KCNIP2: variants seen among roughly 807,000 people sequenced by gnomAD.
KCNIP2 encodes A-type potassium channel modulatory protein KCNIP2.
KCNIP2 carries 19 observed loss-of-function variants against 39.0 expected under a neutral mutation model. The observed-to-expected ratio is 0.49, with a 90% CI of 0.34 to 0.71. KCNIP2 has a LOEUF of 0.71. Ranked by LOEUF, KCNIP2 falls within the 30% of genes least tolerant of loss-of-function variation. KCNIP2 has a pLI of 0.01. For missense variants in KCNIP2, 261 were observed against 346.0 expected, an observed-to-expected ratio of 0.75 and a Z score of 1.95; for synonymous variants, 111 against 131.2, an observed-to-expected ratio of 0.85 and a Z score of 1.05.
At chr10:101,827,473 G>A (rs925353773) in intron 9 of KCNIP2, 73 bp from the exon 10 acceptor site, 18 of 1,491,018 alleles carry the variant, frequency 1.2e-5, no homozygotes, top group Non-Finnish European at 1.7e-5. Flanking sequence ...CAGTGAGAGG[G>A]ACACTGAGTC....
chr10:101,831,672 T>C (rs2065997008), intron 1 of KCNIP2, among the ~76,000 whole-genome samples: 1 of 152,066 alleles, frequency 6.6e-6, no homozygotes, highest in South Asian at 2.1e-4. Context: ...AATGACCTGC[T>C]AACTCCTTAA....
intron 3 of KCNIP2, chr10:101,829,630 C>G (rs1473121883): frequency 7.7e-5 from 14 of 182,934 alleles, no homozygotes; most frequent in African/African-American, 3.6e-4. Flanking sequence ...CCTCGTCCCA[C>G]CCAGCCCCTC....
At chr10:101,837,852 C>T (rs2066211762) in intron 1 of KCNIP2, among the ~76,000 whole-genome samples, 1 of 152,154 alleles carries the variant, frequency 6.6e-6, no homozygotes, top group South Asian at 2.1e-4. Flanking sequence ...CCTTGAATGC[C>T]AAGCCAGACT....
intron 2 of KCNIP2, 54 bp downstream of exon 2, chr10:101,831,018 G>T: frequency 6.9e-7 from 1 of 1,455,536 alleles, no homozygotes; most frequent in Non-Finnish European, 9.6e-7. Flanking sequence ...CTCATGCACA[G>T]ACACGCACGC....
intron 1 of KCNIP2, among the ~76,000 whole-genome samples, chr10:101,842,553 A>G (rs1277736652): frequency 6.6e-6 from 1 of 152,222 alleles, no homozygotes; most frequent in Non-Finnish European, 1.5e-5. Flanking sequence ...ATCTCAGTAC[A>G]TGATTTGGTG....
At position 101,829,872 on chromosome 10, in the gene KCNIP2, G is replaced by A; in HGVS notation, c.195C>T (p.Arg65=). 6.6e-7 allele frequency: 1 copy of A among 1,504,866 alleles called. No homozygotes were observed. The highest frequency in any genetic ancestry group is 8.8e-7 in the Non-Finnish European group (1 of 1,131,054). The allele number at this position is 1,504,866 out of a possible 1,614,324, so 93.2% of individuals were successfully genotyped here. The change falls in exon 3 of 10, where the codon CGC becomes CGT. Residue 65 remains arginine, a synonymous_variant. Coordinates refer to ENST00000356640, the MANE Select transcript of KCNIP2 (RefSeq NM_173191.3). ...SETLAAPASL[R]PHRPRLLDPD... The stretch of plus-strand genomic sequence containing the variant: ...GGTCCAGCAGGCGGGGTCTGTGGGG[G>A]CGGAGGGAGGCTGGGGCGGCTAATG...
At chr10:101,840,361 G>C (rs1589881123) in intron 1 of KCNIP2, among the ~76,000 whole-genome samples, 1 of 151,904 alleles carries the variant, frequency 6.6e-6, no homozygotes, top group South Asian at 2.1e-4. Context: ...GGAGGAAGGA[G>C]AAAGAGGCCA....
At chr10:101,829,358 G>A (rs1231756903) in intron 3 of KCNIP2, 159 bp from the exon 4 acceptor site, 2 of 932,804 alleles carry the variant, frequency 2.1e-6, no homozygotes, top group Non-Finnish European at 3.1e-6. Context: ...ACTGAGGTAA[G>A]GAGAAAAGAT....
chr10:101,839,812 C>T, intron 1 of KCNIP2: 1 of 1,610,442 alleles, frequency 6.2e-7, no homozygotes, highest in Non-Finnish European at 8.5e-7. Context: ...CCCCAGCGGG[C>T]TCCGGCACCT....
chr10:101,830,766 C>CCACA (rs1166229988), intron 2 of KCNIP2, among the ~76,000 whole-genome samples: 2 of 106,550 alleles, frequency 1.9e-5, no homozygotes, highest in Non-Finnish European at 2.0e-5. Flanking sequence ...GCACGCCTCC[C>CCACA]CATACACACA....
chr10:101,828,750 C>G lies in KCNIP2; in HGVS notation c.349-54G>C, dbSNP rs202069861. 38 of 1,613,508 alleles carry G rather than the reference C, an allele frequency of 2.4e-5. No individual in the cohort carries two copies. The Admixed American group carries it at 3.0e-4, about 13-fold the overall frequency. ...CAGAGACAAAATCCCCTTCCGTTCA[C>G]CGCCCCCACCCTCCATGGCCCAAGA... On this transcript the variant is annotated intron_variant, in intron 4 of 9. Transcript: ENST00000356640. This position sits in a 1 kb window ranked among gnomAD's most constrained non-coding sequence, Gnocchi z 6.6.
chr10:101,841,893 G>A (rs1456529479), intron 1 of KCNIP2, among the ~76,000 whole-genome samples: 1 of 152,228 alleles, frequency 6.6e-6, no homozygotes, highest in Non-Finnish European at 1.5e-5. Flanking sequence ...CTAAGCTGGT[G>A]ATGGGAACAG....
intron 1 of KCNIP2, among the ~76,000 whole-genome samples, chr10:101,841,776 G>C (rs1019142532): frequency 1.6e-4 from 25 of 152,226 alleles, no homozygotes; most frequent in African/African-American, 6.0e-4. Flanking sequence ...TAGCCAAGTG[G>C]GGAAGGGATG....
rs2065816700 is a variant in KCNIP2, at chr10:101,828,291, G to A, written c.490-33C>T. The A allele has an allele frequency of 1.9e-6, 3 of 1,609,404 alleles. No individual in the cohort carries two copies. Among genetic ancestry groups the A allele is most frequent in the East Asian group, 2.2e-5 (1 of 44,868 alleles). ...GGAGGCAGGAGGGAGCTGTGTCCTCGGGTACTCTTCACCCAACTCCTTCTC... is the reference window on the plus strand; with the variant it reads ...GGAGGCAGGAGGGAGCTGTGTCCTCAGGTACTCTTCACCCAACTCCTTCTC... On this transcript the variant is annotated intron_variant, in intron 6 of 9. Transcript: ENST00000356640. This position sits in a 1 kb window ranked among gnomAD's most constrained non-coding sequence, Gnocchi z 6.6.
Position 101,828,977 on chromosome 10 carries a change from A to G in KCNIP2, c.348+98T>C, listed in dbSNP as rs1562364. On this transcript the variant is annotated intron_variant, in intron 4 of 9. Coordinates refer to ENST00000356640, the MANE Select transcript of KCNIP2 (RefSeq NM_173191.3). This position sits in a 1 kb window ranked among gnomAD's most constrained non-coding sequence, Gnocchi z 6.6. Reference sequence around the variant, plus strand: ...TCAGGGCCTTGCCTCCCTTCCGCCCACACCTCAAGCATCCAAGCCATGCTT... The same window carrying G: ...TCAGGGCCTTGCCTCCCTTCCGCCCGCACCTCAAGCATCCAAGCCATGCTT... 0.57 allele frequency: 884,047 copies of G among 1,547,190 alleles called. 255,460 individuals are homozygous for G. The highest frequency in any genetic ancestry group is 0.78 in the East Asian group (33,763 of 43,400).
rs927080702 is a variant in KCNIP2 at position 101,827,072 on chromosome 10, C to T, written c.*281G>A. Reference sequence around the variant, plus strand: ...AGAGTAGGGGTAGGAGGTGGGGAACCGCTCAATTCCTACAGGAGGGGCACT... The same window carrying T: ...AGAGTAGGGGTAGGAGGTGGGGAACTGCTCAATTCCTACAGGAGGGGCACT... On this transcript the variant is annotated 3_prime_UTR_variant, in exon 10 of 10. Transcript: ENST00000356640. The T allele has an allele frequency of 5.4e-5, 26 of 483,754 alleles. No homozygotes were observed. Among genetic ancestry groups the T allele is most frequent in the Non-Finnish European group, 7.0e-5 (22 of 313,876 alleles). 30.0% of individuals were successfully genotyped at this position (483,754 alleles called of 1,614,324 possible).
chr10:101,836,116 A>G (rs781382385), intron 1 of KCNIP2, among the ~76,000 whole-genome samples: 4 of 152,062 alleles, frequency 2.6e-5, no homozygotes, highest in Non-Finnish European at 5.9e-5. Context: ...GCCAGTCCCT[A>G]AGGCCCCAGT....
intron 1 of KCNIP2, among the ~76,000 whole-genome samples, chr10:101,842,484 G>A (rs919100153): frequency 1.3e-5 from 2 of 152,228 alleles, no homozygotes; most frequent in Non-Finnish European, 2.9e-5. Flanking sequence ...TGTTTTCCTG[G>A]GGTTTGAGTG....
In KCNIP2 at chr10:101,827,749, C is replaced by A. The variant is rs951526453; in HGVS notation, c.705G>T (p.Lys235Asn). 5 of 1,612,334 alleles carry A rather than the reference C, an allele frequency of 3.1e-6. No homozygotes were observed. Among genetic ancestry groups the A allele is most frequent in the Non-Finnish European group, 4.2e-6 (5 of 1,178,408 alleles). Reference sequence around the variant, plus strand: ...CCACACCATCCTTGTTTCTGTCCATCTTCTGCAAGAAGGTGGTCAGGCAGG... The same window carrying A: ...CCACACCATCCTTGTTTCTGTCCATATTCTGCAAGAAGGTGGTCAGGCAGG... ...PREHVESFFQ[K>N]MDRNKDGVVT... Residue 235 changes from lysine to asparagine, a missense_variant and splice_region_variant, in exon 9 of 10, where the codon AAG becomes AAT. Physicochemically the swap from Lys to Asn is moderately conservative, Grantham distance 94 (BLOSUM62 0). Coordinates refer to ENST00000356640, the MANE Select transcript of KCNIP2 (RefSeq NM_173191.3).
Sources: gnomAD v4.1 joint callset for allele counts (sites outside exome capture counted in the v4.1 genomes callset) on GRCh38, gnomAD v4.1.1 for gene constraint, Gnocchi (gnomAD v3.1) non-coding constraint, MANE v1.5 for transcripts, NCBI Gene and HGNC (gene_info 2026-07-23, HGNC 2026-07-21) for gene names.